Variants in EMSY observed in about 807,000 individuals in gnomAD.
The protein encoded by EMSY is EMSY transcriptional repressor, BRCA2 interacting.
In EMSY, 26 loss-of-function variants were observed where a neutral mutation model predicts 134.6. The observed-to-expected ratio is 0.19, with a 90% CI of 0.14 to 0.27. The LOEUF (loss-of-function observed/expected upper bound fraction) is 0.27. Among genes scored for constraint, EMSY ranks in the 10% least tolerant of loss-of-function variants. The pLI, the probability that EMSY is intolerant of heterozygous loss-of-function variation, is 1.00. For synonymous variants in EMSY, 579 were observed against 577.8 expected (o/e 1.00, Z -0.03); for missense variants, 1,305 against 1,611.4 (o/e 0.81, Z 3.26).
chr11:76,475,707 T>C (rs1041824119), intron 8 of EMSY, among the ~76,000 whole-genome samples: 1 of 152,192 alleles, frequency 6.6e-6, no homozygotes, highest in Non-Finnish European at 1.5e-5. Context: ...ACAAGGTAAA[T>C]ATTGATGGAA....
chr11:76,489,216 A>T (rs1249781530), intron 8 of EMSY, among the ~76,000 whole-genome samples: 1 of 152,140 alleles, frequency 6.6e-6, no homozygotes, highest in Admixed American at 6.5e-5. Context: ...GCTGCATTCG[A>T]TTATTTAATA....
chr11:76,494,713 TCC>T (rs1949575315), intron 8 of EMSY, among the ~76,000 whole-genome samples: 4 of 130,314 alleles, frequency 3.1e-5, no homozygotes, highest in Admixed American at 7.8e-5. Flanking sequence ...CTTCCTTCCT[TCC>T]TTCCTTCCTT....
intron 9 of EMSY, among the ~76,000 whole-genome samples, chr11:76,507,527 T>G (rs2136019603): frequency 6.6e-6 from 1 of 152,368 alleles, no homozygotes; most frequent in Non-Finnish European, 1.5e-5. Context: ...GACAGGGCAC[T>G]ATTATTTCAT....
chr11:76,548,855 G>A (rs1951747176), intron 20 of EMSY, among the ~76,000 whole-genome samples: 1 of 152,174 alleles, frequency 6.6e-6, no homozygotes. Context: ...ATTCAACTTT[G>A]CTCTGGGGTT....
intron 15 of EMSY, among the ~76,000 whole-genome samples, chr11:76,536,564 A>G (rs1450238496): frequency 3.3e-5 from 5 of 152,224 alleles, no homozygotes; most frequent in Non-Finnish European, 5.9e-5. Context: ...TTTGAATAGT[A>G]TAGGTTAGCC....
chr11:76,449,287 TTCTTTACAATGAG>T (rs1458517135), intron 2 of EMSY, among the ~76,000 whole-genome samples: 1 of 152,160 alleles, frequency 6.6e-6, no homozygotes, highest in African/African-American at 2.4e-5. Flanking sequence ...GCTAATAGGG[TTCTTTACAATGAG>T]TGAATTTCTT....
chr11:76,500,884 G>A (rs1949834678), intron 9 of EMSY, among the ~76,000 whole-genome samples: 1 of 152,162 alleles, frequency 6.6e-6, no homozygotes, highest in Admixed American at 6.5e-5. Flanking sequence ...ACAAATCCCT[G>A]GTGAGGGGAA....
chr11:76,502,287 CAAAAAAAAAAAA>C (rs34882734), intron 9 of EMSY, among the ~76,000 whole-genome samples: 16 of 8,536 alleles, frequency 1.9e-3, no homozygotes, highest in African/African-American at 7.5e-3. Context: ...AGAAAATGGG[CAAAAAAAAAAAA>C]AAAAAAAAAA....
exon 7 of EMSY, chr11:76,463,907 G>A (rs1355783942): frequency 6.2e-7 from 1 of 1,614,198 alleles, no homozygotes; most frequent in Non-Finnish European, 8.5e-7. Flanking sequence ...TCTAAAGGAA[G>A]TTCCAAAGGC....
intron 8 of EMSY, among the ~76,000 whole-genome samples, chr11:76,475,979 CTT>C (rs1246702438): frequency 1.3e-5 from 2 of 152,208 alleles, no homozygotes; most frequent in Non-Finnish European, 2.9e-5. Flanking sequence ...AGTTATGTCT[CTT>C]TTAACTTAGC....
At chr11:76,445,572 G>C (rs760697122) in intron 1 of EMSY, among the ~76,000 whole-genome samples, 82 of 152,138 alleles carry the variant, frequency 5.4e-4, no homozygotes, top group Admixed American at 1.0e-3. Flanking sequence ...TGTTTGGAGA[G>C]GGGGCGGGGC....
intron 19 of EMSY, 75 bp downstream of exon 20, chr11:76,544,897 A>G (rs1398450367): frequency 1.3e-5 from 19 of 1,443,420 alleles, no homozygotes; most frequent in Non-Finnish European, 1.8e-5. Context: ...TCACGACCCT[A>G]TCATGATATC....
At chr11:76,522,243 ATAAGTT>A (rs1950666976) in intron 11 of EMSY, among the ~76,000 whole-genome samples, 2 of 151,748 alleles carry the variant, frequency 1.3e-5, no homozygotes, top group Admixed American at 1.3e-4. Flanking sequence ...AATTGACAAT[ATAAGTT>A]TATATATGCA....
intron 8 of EMSY, among the ~76,000 whole-genome samples, chr11:76,476,579 T>C (rs915691569): frequency 1.3e-5 from 2 of 152,232 alleles, no homozygotes; most frequent in Admixed American, 6.5e-5. Flanking sequence ...AGATTTTTGA[T>C]GTCTATCAAT....
intron 11 of EMSY, among the ~76,000 whole-genome samples, chr11:76,519,566 A>G (rs190683017): frequency 6.6e-6 from 1 of 152,280 alleles, no homozygotes; most frequent in East Asian, 1.9e-4. Flanking sequence ...AATCTTTAGT[A>G]CAGTGTCCAG....
chr11:76,519,231 AT>A (rs1458505487), intron 11 of EMSY, among the ~76,000 whole-genome samples: 1 of 151,796 alleles, frequency 6.6e-6, no homozygotes, highest in African/African-American at 2.4e-5. Context: ...CGCTCGGCTA[AT>A]TTTTGTATTT....
chr11:76,523,124 T>A (rs1950705973), intron 11 of EMSY, 31 bp from the exon 13 acceptor site: 1 of 1,595,138 alleles, frequency 6.3e-7, no homozygotes, highest in African/African-American at 1.4e-5. Flanking sequence ...AGTCCTTAAC[T>A]CAGGCCTCCT....
At chr11:76,541,201 G>A (rs1484631970) in intron 17 of EMSY, among the ~76,000 whole-genome samples, 1 of 152,202 alleles carries the variant, frequency 6.6e-6, no homozygotes, top group Non-Finnish European at 1.5e-5. Context: ...ACTCCAGCCT[G>A]GGTAACAGAG....
At chr11:76,521,588 C>A (rs1950638737) in intron 11 of EMSY, among the ~76,000 whole-genome samples, 1 of 151,714 alleles carries the variant, frequency 6.6e-6, no homozygotes, top group African/African-American at 2.4e-5. Flanking sequence ...TGTAGTAAGA[C>A]CCCATCTCTA....
Sources: gnomAD v4.1 joint callset for allele counts (sites outside exome capture counted in the v4.1 genomes callset) on GRCh38, gnomAD v4.1.1 for gene constraint, MANE v1.5 for transcripts, NCBI Gene and HGNC (gene_info 2026-07-23, HGNC 2026-07-21) for gene names.